AKAP19: variants seen among roughly 807,000 people sequenced by gnomAD.
The protein encoded by AKAP19 is A-kinase anchoring protein 19.
At chr2:189,942,545 C>T in the AKAP19 span, among the ~76,000 whole-genome samples, 1 of 152,176 alleles carries the variant, frequency 6.6e-6, no homozygotes, top group Non-Finnish European at 1.5e-5. Flanking sequence ...GTGGAAACAA[C>T]TTCAGAACTA....
chr2:190,012,857 G>T, the AKAP19 span, among the ~76,000 whole-genome samples: 1 of 152,088 alleles, frequency 6.6e-6, no homozygotes, highest in Non-Finnish European at 1.5e-5. Flanking sequence ...TCTGCATCTA[G>T]TGAGATAAAT....
At chr2:190,101,954 A>G in the AKAP19 span, among the ~76,000 whole-genome samples, 2 of 152,328 alleles carry the variant, frequency 1.3e-5, no homozygotes, top group Middle Eastern at 6.8e-3. Flanking sequence ...TCTGCCATAA[A>G]GCAAGTCTCA....
At chr2:189,983,401 T>C in the AKAP19 span, among the ~76,000 whole-genome samples, 2 of 152,148 alleles carry the variant, frequency 1.3e-5, no homozygotes, top group Admixed American at 1.3e-4. Flanking sequence ...GGCCCTACCA[T>C]TTGTGGAAGC....
At chr2:189,985,212 A>C in the AKAP19 span, among the ~76,000 whole-genome samples, 2 of 151,964 alleles carry the variant, frequency 1.3e-5, no homozygotes. Context: ...TACTGTGGGC[A>C]CTCCAACAGA....
At chr2:190,052,291 C>A in the AKAP19 span, among the ~76,000 whole-genome samples, 1 of 152,112 alleles carries the variant, frequency 6.6e-6, no homozygotes, top group African/African-American at 2.4e-5. Context: ...GGAAGATATT[C>A]TTGAATCCTG....
chr2:190,082,530 A>G, the AKAP19 span, among the ~76,000 whole-genome samples: 3 of 152,246 alleles, frequency 2.0e-5, no homozygotes, highest in African/African-American at 7.2e-5. Context: ...CATAGAACCT[A>G]TACATGCCCA....
the AKAP19 span, among the ~76,000 whole-genome samples, chr2:189,886,014 G>A: frequency 1.5e-4 from 23 of 152,148 alleles, no homozygotes; most frequent in Non-Finnish European, 2.6e-4. Context: ...TCACCATGTT[G>A]GCCAGGCTGG....
At chr2:189,890,994 A>G in the AKAP19 span, among the ~76,000 whole-genome samples, 1 of 152,004 alleles carries the variant, frequency 6.6e-6, no homozygotes, top group Non-Finnish European at 1.5e-5. Context: ...AGTTGATGCA[A>G]TTTCTTCATA....
the AKAP19 span, among the ~76,000 whole-genome samples, chr2:189,881,034 A>G: frequency 6.6e-6 from 1 of 152,212 alleles, no homozygotes; most frequent in Non-Finnish European, 1.5e-5. Context: ...ATACGTGAGC[A>G]CACACAGCTA....
At chr2:189,916,829 A>G in the AKAP19 span, among the ~76,000 whole-genome samples, 1 of 152,096 alleles carries the variant, frequency 6.6e-6, no homozygotes, top group African/African-American at 2.4e-5. Flanking sequence ...CTTTGTATGG[A>G]TGTACCACAG....
the AKAP19 span, among the ~76,000 whole-genome samples, chr2:189,942,144 G>C: frequency 5.3e-4 from 80 of 152,294 alleles, no homozygotes; most frequent in Admixed American, 7.2e-4. Flanking sequence ...AATCTCCCAT[G>C]CTGGCGGGGA....
the AKAP19 span, among the ~76,000 whole-genome samples, chr2:190,016,215 G>A: frequency 6.6e-6 from 1 of 152,158 alleles, no homozygotes; most frequent in Non-Finnish European, 1.5e-5. Context: ...CTGTTATAAA[G>A]AAATACCTGA....
At chr2:190,032,544 C>T in the AKAP19 span, among the ~76,000 whole-genome samples, 1 of 152,164 alleles carries the variant, frequency 6.6e-6, no homozygotes, top group Non-Finnish European at 1.5e-5. Flanking sequence ...CAAGGACTAA[C>T]TGGCCTGAAC....
At chr2:189,997,678 C>T in the AKAP19 span, among the ~76,000 whole-genome samples, 3 of 152,062 alleles carry the variant, frequency 2.0e-5, no homozygotes, top group African/African-American at 7.2e-5. Flanking sequence ...CAGACCTTGC[C>T]CCAGGATATA....
At chr2:189,975,535 T>G in the AKAP19 span, among the ~76,000 whole-genome samples, 3 of 152,366 alleles carry the variant, frequency 2.0e-5, no homozygotes, top group Non-Finnish European at 4.4e-5. Flanking sequence ...CCTGCCTTAC[T>G]AGGTTGGGGA....
At chr2:190,033,896 C>T in the AKAP19 span, among the ~76,000 whole-genome samples, 4 of 152,100 alleles carry the variant, frequency 2.6e-5, no homozygotes, top group South Asian at 2.1e-4. Flanking sequence ...CATCTCTCCC[C>T]GCTCATATCC....
chr2:190,057,686 C>T, the AKAP19 span: 1 of 1,589,780 alleles, frequency 6.3e-7, no homozygotes, highest in Non-Finnish European at 8.6e-7. Flanking sequence ...GGCCTGGAAA[C>T]ACTTTTCTAC....
chr2:190,175,164 C>CT, the AKAP19 span, among the ~76,000 whole-genome samples: 746 of 152,270 alleles, frequency 4.9e-3, 6 homozygotes, highest in African/African-American at 0.017. Flanking sequence ...GTTAAATCTA[C>CT]TTATACCATA....
the AKAP19 span, among the ~76,000 whole-genome samples, chr2:190,178,636 C>T: frequency 6.6e-6 from 1 of 152,234 alleles, no homozygotes; most frequent in African/African-American, 2.4e-5. This position sits in a 1 kb window ranked among gnomAD's most constrained non-coding sequence, Gnocchi z 6.3. Context: ...CAGGCTCCAG[C>T]CTGGCAGGAG....
Sources: gnomAD v4.1 joint callset for allele counts (sites outside exome capture counted in the v4.1 genomes callset) on GRCh38, gnomAD v4.1.1 for gene constraint, Gnocchi (gnomAD v3.1) non-coding constraint, MANE v1.5 for transcripts, NCBI Gene and HGNC (gene_info 2026-07-23, HGNC 2026-07-21) for gene names.